The following TTLL3 variants were observed in gnomAD, a reference collection of about 807,000 sequenced individuals.
The protein encoded by TTLL3 is tubulin monoglycylase TTLL3.
A neutral mutation model predicts 75.2 loss-of-function variants in TTLL3; 63 were observed. The ratio of observed to expected loss-of-function variants is 0.84; its 90% confidence interval spans 0.68 to 1.03. The LOEUF (loss-of-function observed/expected upper bound fraction) is 1.03, where lower values mean the gene tolerates loss of function less well. Ranked by LOEUF, TTLL3 falls within the 50% of genes least tolerant of loss-of-function variation. The pLI is 0.00. For missense variants in TTLL3, 997 were observed against 1,069.9 expected (o/e 0.93, Z 0.95); for synonymous variants, 393 against 418.5 (o/e 0.94, Z 0.74).
chr3:9,831,459 TGA>T (rs1453632048), intron 11 of TTLL3, among the ~76,000 whole-genome samples: 5 of 152,188 alleles, frequency 3.3e-5, no homozygotes, highest in Non-Finnish European at 7.4e-5. Flanking sequence ...GCACATCCTG[TGA>T]GAGTGTCTCA....
chr3:9,835,756 A>C lies in TTLL3; in HGVS notation c.*267A>C. The C allele has an allele frequency of 4.4e-6, 2 of 451,254 alleles. No homozygotes were observed. The highest frequency in any genetic ancestry group is 7.8e-6 in the Non-Finnish European group (2 of 256,046). 28.0% of individuals were successfully genotyped at this position (451,254 alleles called of 1,614,324 possible). A position where few individuals can be genotyped will look rare whatever the true frequency, so the allele number is the denominator to read the frequency against. Reference sequence around the variant, plus strand: ...CCAGAGAACAAGCCAAGCTAGCAGAATGACACCTACCGGGCATAGGAACGT... The same window carrying C: ...CCAGAGAACAAGCCAAGCTAGCAGACTGACACCTACCGGGCATAGGAACGT... On this transcript the variant is annotated 3_prime_UTR_variant, in exon 14 of 14. Coordinates refer to ENST00000685419, the MANE Select transcript of TTLL3 (RefSeq NM_001387446.1).
At chr3:9,819,763 C>T in intron 7 of TTLL3, 1 of 985,464 alleles carries the variant, frequency 1.0e-6, no homozygotes, top group Non-Finnish European at 1.2e-6. Context: ...GAGGAAAATC[C>T]CTGCCTCTTC....
chr3:9,835,006 C>T lies in TTLL3; in HGVS notation c.2053-88C>T, dbSNP rs1293383591. The T allele has an allele frequency of 1.6e-5, 26 of 1,600,010 alleles. No individual in the cohort carries two copies. The East Asian group carries it at 5.6e-4, about 34-fold the overall frequency. On this transcript the variant is annotated intron_variant, in intron 13 of 13. Transcript: ENST00000685419. ...AGGGCAGCTCCCAGGCTGGCTGGCACCCCAAGGGAAGAGCTGGTCTCCCTC... is the reference window on the plus strand; with the variant it reads ...AGGGCAGCTCCCAGGCTGGCTGGCATCCCAAGGGAAGAGCTGGTCTCCCTC...
chr3:9,811,839 C>T (rs1170750331), intron 2 of TTLL3, among the ~76,000 whole-genome samples: 1 of 152,244 alleles, frequency 6.6e-6, no homozygotes. Flanking sequence ...GCATTCCCCT[C>T]TGCCTGAACC....
chr3:9,825,774 GC>G, intron 8 of TTLL3, 25 bp from the exon 9 acceptor site: 1 of 1,614,116 alleles, frequency 6.2e-7, no homozygotes. Context: ...GTCCAGCCCT[GC>G]CCAAGTTCTA....
At chr3:9,818,374 CTT>C (rs903026874) in intron 6 of TTLL3, 20 of 155,196 alleles carry the variant, frequency 1.3e-4, no homozygotes, top group South Asian at 5.2e-4. Flanking sequence ...GGAGCAAGTT[CTT>C]TTTTTTTTTT....
At chr3:9,820,453 G>A in intron 7 of TTLL3, 93 bp from the exon 8 acceptor site, 1 of 1,563,864 alleles carries the variant, frequency 6.4e-7, no homozygotes, top group South Asian at 1.2e-5. Context: ...TGGGCCTCAG[G>A]TAAGTGACAG....
At chr3:9,819,217 A>G in intron 7 of TTLL3, 1 of 410,256 alleles carries the variant, frequency 2.4e-6, no homozygotes, top group Non-Finnish European at 4.5e-6. Context: ...ACCTGATGTC[A>G]GCTCCATACT....
intron 9 of TTLL3, 87 bp from the exon 10 acceptor site, chr3:9,826,910 C>G: frequency 1.3e-6 from 2 of 1,584,218 alleles, no homozygotes; most frequent in Non-Finnish European, 1.7e-6. Context: ...CCTATCAGCT[C>G]CGAGGGGACA....
At chr3:9,826,525 G>A (rs1365917563) in intron 9 of TTLL3, among the ~76,000 whole-genome samples, 3 of 152,106 alleles carry the variant, frequency 2.0e-5, no homozygotes, top group African/African-American at 7.2e-5. Context: ...TTGAGGTCAG[G>A]AGTTGGAGAC....
chr3:9,812,531 C>T (rs1230785990), intron 2 of TTLL3, among the ~76,000 whole-genome samples: 4 of 151,508 alleles, frequency 2.6e-5, no homozygotes, highest in Admixed American at 6.6e-5. Context: ...ATTATCTGGG[C>T]GTGGTGGCAT....
Position 9,814,930 on chromosome 3 carries a change from T to G in TTLL3, c.316-1144T>G, listed in dbSNP as rs9836354. Among the ~76,000 whole-genome samples, 842 of 151,928 alleles carry G rather than the reference T, an allele frequency of 5.5e-3. 8 individuals are homozygous for G. Among genetic ancestry groups the G allele is most frequent in the African/African-American group, 0.019 (789 of 41,438 alleles). Reference sequence around the variant, plus strand: ...CATCTTGGTAGTGCCACTTACTGAGTTCAAATATATAAAATTGCCATTTCT... The same window carrying G: ...CATCTTGGTAGTGCCACTTACTGAGGTCAAATATATAAAATTGCCATTTCT... On this transcript the variant is annotated intron_variant, in intron 4 of 13. Coordinates refer to ENST00000685419, the MANE Select transcript of TTLL3 (RefSeq NM_001387446.1).
upstream of TTLL3, chr3:9,809,821 C>T (rs1382776238): frequency 1.2e-5 from 5 of 425,442 alleles, no homozygotes; most frequent in Non-Finnish European, 2.0e-5. Context: ...CCCATCGCAG[C>T]CCCCAACCAG....
chr3:9,829,687 T>C (rs2081347627), intron 11 of TTLL3, among the ~76,000 whole-genome samples: 1 of 152,214 alleles, frequency 6.6e-6, no homozygotes, highest in Admixed American at 6.5e-5. Flanking sequence ...TGGAATCTCC[T>C]TGGGTTCAAA....
chr3:9,812,515 A>G (rs190280997), intron 2 of TTLL3, among the ~76,000 whole-genome samples: 501 of 152,004 alleles, frequency 3.3e-3, no homozygotes, highest in Admixed American at 6.4e-3. Flanking sequence ...GTCTCAAAAA[A>G]AAAAAATTAT....
chr3:9,827,306 G>A lies in TTLL3; in HGVS notation c.1247+66G>A, dbSNP rs17050591. 3.8e-3 allele frequency: 6,102 copies of A among 1,589,594 alleles called. 159 individuals carry two copies. The African/African-American group carries it at 0.069, about 18-fold the overall frequency. On this transcript the variant is annotated intron_variant, in intron 10 of 13. Transcript: ENST00000685419. Reference sequence around the variant, plus strand: ...TTGGGGAGCTGGCAAGCAAACAGGCGATTACAGTGCAGGGGACTCGCGCAG... The same window carrying A: ...TTGGGGAGCTGGCAAGCAAACAGGCAATTACAGTGCAGGGGACTCGCGCAG...
intron 8 of TTLL3, 52 bp from the exon 9 acceptor site, chr3:9,825,748 C>T: frequency 6.2e-7 from 1 of 1,613,956 alleles, no homozygotes; most frequent in East Asian, 2.2e-5. Flanking sequence ...CTGCCCTCTC[C>T]ACCTGCATGT....
chr3:9,833,423 A>C (rs2081767612), intron 12 of TTLL3, 178 bp downstream of exon 12: 1 of 1,019,536 alleles, frequency 9.8e-7, no homozygotes, highest in Admixed American at 3.0e-5. Context: ...TGGGAGTGGG[A>C]TGCCCCCAGC....
In TTLL3 at chr3:9,814,149, CAAAT is replaced by C. The variant is rs952565647; in HGVS notation, c.315+808_315+811del. ...AACCCATCTCTACTAAAAAAACAAA[CAAAT>C]AAAAAAACAAACAAATAACAACAAC... On this transcript the variant is annotated intron_variant, in intron 4 of 13. Transcript: ENST00000685419. Among the ~76,000 whole-genome samples, 15 of 150,034 alleles carry C rather than the reference CAAAT, an allele frequency of 1.0e-4. No individual in the cohort carries two copies. The East Asian group carries it at 1.6e-3, about 16-fold the overall frequency.
Sources: gnomAD v4.1 joint callset for allele counts (sites outside exome capture counted in the v4.1 genomes callset) on GRCh38, gnomAD v4.1.1 for gene constraint, MANE v1.5 for transcripts, NCBI Gene and HGNC (gene_info 2026-07-23, HGNC 2026-07-21) for gene names.